Variants in CEP250 observed in about 807,000 individuals in gnomAD.
The protein encoded by CEP250 is centrosome-associated protein CEP250.
Under a neutral mutation model 315.7 loss-of-function variants are expected in CEP250, and 242 were observed. The ratio of observed to expected loss-of-function variants is 0.77; its 90% CI spans 0.69 to 0.85. The LOEUF (loss-of-function observed/expected upper bound fraction) is 0.85. CEP250 is among the 40% of genes least tolerant of loss of function. CEP250 has a pLI of 0.00. For synonymous variants in CEP250, 1,088 were observed against 1,175.0 expected (o/e 0.93, Z 1.51); for missense variants, 2,515 against 2,886.4 (o/e 0.87, Z 2.95).
chr20:35,494,095 C>A (rs2063769999), intron 23 of CEP250, among the ~76,000 whole-genome samples: 1 of 152,126 alleles, frequency 6.6e-6, no homozygotes, highest in Admixed American at 6.6e-5. Flanking sequence ...CCCACCTCAG[C>A]CCCCTGAGTA....
chr20:35,497,821 C>T lies in CEP250; in HGVS notation c.3409C>T (p.Gln1137Ter). The part of the protein sequence containing the change: ...ELEASHITEQ[Q>*]LRASLWAQEA... The stretch of plus-strand genomic sequence containing the variant: ...GGAGGCGTCTCATATCACGGAGCAG[C>T]AGCTGCGAGCCTCCTTGTGGGCCCA... Residue 1137 changes from glutamine to a stop codon, truncating the protein, a stop_gained, in exon 26 of 35, where the codon CAG (glutamine) becomes TAG (stop). Coordinates refer to ENST00000397527, the MANE Select transcript of CEP250 (RefSeq NM_007186.6). LOFTEE classifies it high-confidence loss of function. The T allele has an allele frequency of 6.4e-7, 1 of 1,566,422 alleles. No individual in the cohort carries two copies.
intron 27 of CEP250, among the ~76,000 whole-genome samples, chr20:35,499,141 G>A (rs114598802): frequency 0.022 from 3,406 of 152,210 alleles, 140 homozygotes; most frequent in African/African-American, 0.077. Context: ...CAGAGGTGGC[G>A]GTGGGCACCT....
At position 35,473,407 on chromosome 20, in the gene CEP250, G is replaced by T. The variant is rs568247716; in HGVS notation, c.1243G>T (p.Ala415Ser). The T allele has an allele frequency of 8.1e-6, 13 of 1,614,130 alleles. No homozygotes were observed. In the Admixed American group the frequency reaches 1.0e-4, roughly 12 times the overall value. Residue 415 changes from alanine to serine, a missense_variant, in exon 13 of 35, where the codon GCT (alanine) becomes TCT (serine). Physicochemically the swap from Ala to Ser is moderately conservative, Grantham distance 99. Transcript: ENST00000397527. ...LRQQLAGCQE[A>S]VNLLQQQHDQ... ...GCAGCAGCTTGCAGGCTGTCAAGAGGCTGTGAACTTGTTGCAACAGCAGCA... is the reference window on the plus strand; with the variant it reads ...GCAGCAGCTTGCAGGCTGTCAAGAGTCTGTGAACTTGTTGCAACAGCAGCA...
Position 35,498,002 on chromosome 20 carries a change from GTGAGAGCAGGCC to G in CEP250, c.3595_3606del (p.Ser1199_Glu1202del). The G allele has an allele frequency of 6.2e-7, 1 of 1,612,886 alleles. No individual in the cohort carries two copies. Among genetic ancestry groups the G allele is most frequent in the Non-Finnish European group, 8.5e-7 (1 of 1,179,394 alleles). ...CTGCAGCAGGCCCTGGGGTCTGTTTGTGAGAGCAGGCCTGAGCTGAGTGGTGGGGGAGACTCT... is the reference window on the plus strand; with the variant it reads ...CTGCAGCAGGCCCTGGGGTCTGTTTGTGAGCTGAGTGGTGGGGGAGACTCT... On this transcript the variant is annotated inframe_deletion, in exon 26 of 35. Transcript: ENST00000397527.
intron 9 of CEP250, 40 bp from the exon 10 acceptor site, chr20:35,469,850 A>G (rs1187205660): frequency 2.1e-6 from 3 of 1,398,104 alleles, no homozygotes; most frequent in East Asian, 2.3e-5. Context: ...GTCCACATCC[A>G]TGGGCTGTTC....
chr20:35,478,541 G>C (rs1162467620), intron 17 of CEP250, among the ~76,000 whole-genome samples: 1 of 152,180 alleles, frequency 6.6e-6, no homozygotes, highest in African/African-American at 2.4e-5. Context: ...CTCCAACCTG[G>C]ATGACAGAGC....
intron 28 of CEP250, among the ~76,000 whole-genome samples, 153 bp downstream of exon 28, chr20:35,500,322 T>C (rs41290920): frequency 0.017 from 2,541 of 152,332 alleles, 28 homozygotes; most frequent in Non-Finnish European, 0.025. Context: ...GAGTACAATG[T>C]CACGACTTCG....
chr20:35,484,736 A>G (rs6142395), intron 20 of CEP250, among the ~76,000 whole-genome samples: 1 of 151,890 alleles, frequency 6.6e-6, no homozygotes, highest in Non-Finnish European at 1.5e-5. Context: ...GGCACAGTCC[A>G]CCATGTCTGG....
At chr20:35,498,755 C>G in intron 27 of CEP250, 39 bp downstream of exon 27, 1 of 1,523,062 alleles carries the variant, frequency 6.6e-7, no homozygotes, top group Non-Finnish European at 8.8e-7. Context: ...CTCTTTACAT[C>G]CCTGGAAAAG....
At chr20:35,483,630 A>G (rs2063421536) in intron 20 of CEP250, among the ~76,000 whole-genome samples, 1 of 151,286 alleles carries the variant, frequency 6.6e-6, no homozygotes, top group African/African-American at 2.4e-5. Flanking sequence ...TCAGCCTCCC[A>G]CATAAGCTGG....
intron 30 of CEP250, among the ~76,000 whole-genome samples, chr20:35,505,928 C>A (rs6060442): frequency 6.6e-6 from 1 of 151,864 alleles, no homozygotes; most frequent in Non-Finnish European, 1.5e-5. Flanking sequence ...ATCAGACATA[C>A]AGCTCACAAA....
intron 1 of CEP250, among the ~76,000 whole-genome samples, chr20:35,456,095 A>G (rs2062616898): frequency 6.6e-6 from 1 of 152,008 alleles, no homozygotes; most frequent in South Asian, 2.1e-4. Flanking sequence ...GGGTTTCTCC[A>G]TGTTGGTCAG....
rs1031588082 is a variant in CEP250 at position 35,518,725 on chromosome 20, A to C, written c.*7099A>C. 2 of 152,204 alleles carry C rather than the reference A, an allele frequency of 1.3e-5. No homozygotes were observed. The highest frequency in any genetic ancestry group is 2.9e-5 in the Non-Finnish European group (2 of 68,044). The allele number at this position is 152,204 out of a possible 1,614,324, so 9.4% of individuals were successfully genotyped here. A position where few individuals can be genotyped will look rare whatever the true frequency, so the allele number is the denominator to read the frequency against. ...AGGCCTAGAATCTTTTAGTGAAGAA[A>C]AAGTATTTAGAAGACAAAAATCAGG... On this transcript the variant is annotated 3_prime_UTR_variant, in exon 35 of 35. Transcript: ENST00000397527.
In CEP250 at chr20:35,476,586, G is replaced by C; in HGVS notation, c.1854G>C (p.Gln618His). ...TAGATAAAGTTGGGCTGAACCAGCA[G>C]CTTCTCCAGGTGAGCAAAGATTTTC... The part of the protein sequence containing the change: ...LALDKVGLNQ[Q>H]LLQLEEENQS... Residue 618 changes from glutamine (Q) to histidine (H), a missense_variant, in exon 16 of 35, where the codon CAG becomes CAC. Transcript: ENST00000397527. 6.2e-7 allele frequency: 1 copy of C among 1,612,312 alleles called. No homozygotes were observed. The highest frequency in any genetic ancestry group is 8.5e-7 in the Non-Finnish European group (1 of 1,178,406).
chr20:35,472,530 A>G, intron 11 of CEP250, 143 bp from the exon 12 acceptor site: 1 of 828,752 alleles, frequency 1.2e-6, no homozygotes, highest in Non-Finnish European at 1.9e-6. Flanking sequence ...CCAGACTTTT[A>G]TGCTCAGATA....
intron 20 of CEP250, among the ~76,000 whole-genome samples, chr20:35,486,097 C>G (rs956994808): frequency 6.7e-6 from 1 of 148,664 alleles, no homozygotes; most frequent in Admixed American, 6.7e-5. Flanking sequence ...GCTGTTTCAG[C>G]TCCGCCTCCT....
intron 20 of CEP250, among the ~76,000 whole-genome samples, chr20:35,485,645 CTTTTTTTTT>C (rs782622070): frequency 3.8e-4 from 13 of 33,786 alleles, no homozygotes; most frequent in East Asian, 8.6e-4. Flanking sequence ...GTCTGCCTGG[CTTTTTTTTT>C]TTTTTTTTTT....
intron 8 of CEP250, 107 bp downstream of exon 8, chr20:35,467,179 G>GGGGGGGGGCCCCCCCCC: frequency 3.7e-6 from 2 of 534,788 alleles, no homozygotes; most frequent in Non-Finnish European, 7.1e-6. Context: ...GGTGGGTGGG[G>GGGGGGGGGCCCCCCCCC]GAGTTGGTAG....
At chr20:35,474,264 C>T (rs963562147) in intron 14 of CEP250, among the ~76,000 whole-genome samples, 1 of 152,158 alleles carries the variant, frequency 6.6e-6, no homozygotes, top group African/African-American at 2.4e-5. Context: ...TGGGATGAGA[C>T]ACTGAGGGGG....
Sources: gnomAD v4.1 joint callset for allele counts (sites outside exome capture counted in the v4.1 genomes callset) on GRCh38, gnomAD v4.1.1 for gene constraint, MANE v1.5 for transcripts, NCBI Gene and HGNC (gene_info 2026-07-23, HGNC 2026-07-21) for gene names.